Variants in ZNF277 observed in about 807,000 individuals in gnomAD.
ZNF277 encodes nuclear receptor-interacting factor 4.
ZNF277 carries 55 observed loss-of-function variants against 60.7 expected under a neutral mutation model. The ratio of observed to expected loss-of-function variants is 0.91; its 90% CI spans 0.73 to 1.13. The LOEUF (loss-of-function observed/expected upper bound fraction) is 1.13, where lower values mean the gene tolerates loss of function less well. Ranked by LOEUF, ZNF277 falls within the 50% of genes most tolerant of loss-of-function variation. The probability of loss-of-function intolerance (pLI) is 0.00; values close to 1 mark genes in which losing one functional copy is unlikely to be tolerated. For synonymous variants in ZNF277, 178 were observed against 179.3 expected (o/e 0.99, Z 0.06); for missense variants, 510 against 523.0 (o/e 0.98, Z 0.24).
At chr7:112,330,389 G>T in intron 7 of ZNF277, 173 bp downstream of exon 7, 4 of 636,126 alleles carry the variant, frequency 6.3e-6, no homozygotes, top group Admixed American at 3.0e-5. Flanking sequence ...CATTTGATTT[G>T]ACTTGTCTTT....
At chr7:112,261,619 C>G (rs1791440901) in intron 1 of ZNF277, among the ~76,000 whole-genome samples, 1 of 152,154 alleles carries the variant, frequency 6.6e-6, no homozygotes, top group South Asian at 2.1e-4. Flanking sequence ...TAAATACTAC[C>G]ACACCACATA....
chr7:112,259,430 A>G (rs1050682088), intron 1 of ZNF277, among the ~76,000 whole-genome samples: 2 of 151,972 alleles, frequency 1.3e-5, no homozygotes, highest in African/African-American at 4.8e-5. Flanking sequence ...GAGTGCCACG[A>G]CCCCCAAATC....
intron 1 of ZNF277, among the ~76,000 whole-genome samples, chr7:112,247,941 C>A (rs548737737): frequency 1.3e-5 from 2 of 149,354 alleles, no homozygotes; most frequent in African/African-American, 2.5e-5. Flanking sequence ...GCACTCTAGC[C>A]TGGGCAACAA....
chr7:112,228,367 A>G (rs1822229981), intron 1 of ZNF277, among the ~76,000 whole-genome samples: 1 of 148,614 alleles, frequency 6.7e-6, no homozygotes, highest in Admixed American at 6.9e-5. Context: ...TGAATATATC[A>G]CCCATATTTC....
At chr7:112,333,092 A>G (rs1793258643) in intron 7 of ZNF277, among the ~76,000 whole-genome samples, 1 of 152,118 alleles carries the variant, frequency 6.6e-6, no homozygotes, top group African/African-American at 2.4e-5. Context: ...CATGAGTAAT[A>G]AATCAATATG....
chr7:112,303,179 G>A (rs1010321723), intron 4 of ZNF277, among the ~76,000 whole-genome samples: 1 of 151,948 alleles, frequency 6.6e-6, no homozygotes, highest in Non-Finnish European at 1.5e-5. Context: ...TCAAACTCCT[G>A]ACCTCAAGTG....
At chr7:112,320,568 C>G (rs927585721) in intron 5 of ZNF277, among the ~76,000 whole-genome samples, 1 of 152,048 alleles carries the variant, frequency 6.6e-6, no homozygotes, top group Non-Finnish European at 1.5e-5. Flanking sequence ...GGATAACAGA[C>G]AAGGATAGAG....
chr7:112,306,922 A>G (rs985845761), intron 4 of ZNF277, among the ~76,000 whole-genome samples: 6 of 152,088 alleles, frequency 3.9e-5, no homozygotes, highest in African/African-American at 1.4e-4. Context: ...CTTACACCCC[A>G]GAACACTAAT....
chr7:112,328,949 G>T (rs1793163458), intron 6 of ZNF277, among the ~76,000 whole-genome samples: 1 of 152,092 alleles, frequency 6.6e-6, no homozygotes, highest in South Asian at 2.1e-4. Context: ...AAATTTTGAT[G>T]TCACCACTAT....
At chr7:112,293,962 C>G (rs1792268375) in intron 2 of ZNF277, among the ~76,000 whole-genome samples, 1 of 152,170 alleles carries the variant, frequency 6.6e-6, no homozygotes, top group South Asian at 2.1e-4. Flanking sequence ...GCACCTGGTT[C>G]TGCCATGTAT....
chr7:112,313,699 A>C (rs980669188), intron 4 of ZNF277, among the ~76,000 whole-genome samples: 3 of 152,148 alleles, frequency 2.0e-5, no homozygotes, highest in African/African-American at 7.2e-5. Flanking sequence ...CATATGTAGT[A>C]GACCATTCTC....
chr7:112,326,920 A>T (rs1409982537), intron 5 of ZNF277, among the ~76,000 whole-genome samples: 1 of 152,164 alleles, frequency 6.6e-6, no homozygotes, highest in East Asian at 1.9e-4. Context: ...CTTTTTTGCT[A>T]TGTAAAAGTT....
At chr7:112,245,873 T>C (rs972154222) in intron 1 of ZNF277, among the ~76,000 whole-genome samples, 1 of 152,198 alleles carries the variant, frequency 6.6e-6, no homozygotes, top group East Asian at 1.9e-4. Flanking sequence ...CATCCTATCT[T>C]TTTACGGAGA....
At chr7:112,320,266 T>C (rs906321310) in intron 5 of ZNF277, among the ~76,000 whole-genome samples, 1 of 152,176 alleles carries the variant, frequency 6.6e-6, no homozygotes, top group Non-Finnish European at 1.5e-5. Context: ...ACATAGGAAT[T>C]ACATGACCTC....
chr7:112,225,338 G>A (rs1822148421), intron 1 of ZNF277, among the ~76,000 whole-genome samples: 2 of 152,186 alleles, frequency 1.3e-5, no homozygotes, highest in South Asian at 4.1e-4. Context: ...CTAACCTTGA[G>A]CTCATTAATC....
intron 1 of ZNF277, among the ~76,000 whole-genome samples, chr7:112,277,157 C>G (rs892675156): frequency 3.4e-5 from 5 of 146,908 alleles, no homozygotes; most frequent in Admixed American, 6.9e-5. Flanking sequence ...GATCTCGGCT[C>G]ACTGCAAGCT....
intron 4 of ZNF277, among the ~76,000 whole-genome samples, chr7:112,314,987 T>G (rs1302196097): frequency 2.0e-5 from 3 of 152,124 alleles, no homozygotes; most frequent in Non-Finnish European, 4.4e-5. Flanking sequence ...TTTTTAAAGG[T>G]TCATTTACAG....
chr7:112,287,203 G>T (rs981224674), intron 2 of ZNF277, 129 bp downstream of exon 2: 6 of 884,152 alleles, frequency 6.8e-6, no homozygotes, highest in Non-Finnish European at 8.7e-6. Flanking sequence ...CAAGATGCCA[G>T]CTCTAAAAAC....
At chr7:112,299,549 G>A (rs1012881703) in intron 4 of ZNF277, among the ~76,000 whole-genome samples, 1 of 152,186 alleles carries the variant, frequency 6.6e-6, no homozygotes, top group Non-Finnish European at 1.5e-5. Context: ...CAGCCAGAGG[G>A]TTTTGAAGTC....
Sources: gnomAD v4.1 joint callset for allele counts (sites outside exome capture counted in the v4.1 genomes callset) on GRCh38, gnomAD v4.1.1 for gene constraint, MANE v1.5 for transcripts, NCBI Gene and HGNC (gene_info 2026-07-23, HGNC 2026-07-21) for gene names.